Variants in PDE4A observed in about 807,000 individuals in gnomAD.
PDE4A encodes 3',5'-cyclic-AMP phosphodiesterase 4A.
PDE4A carries 21 observed loss-of-function variants against 73.9 expected under a neutral mutation model. That is an observed-to-expected ratio of 0.28 (90% CI 0.20 to 0.41). The LOEUF is 0.41. PDE4A is among the 10% of genes least tolerant of loss of function. The pLI is 1.00. For synonymous variants in PDE4A, 463 were observed against 505.4 expected (o/e 0.92, Z 1.13); for missense variants, 958 against 1,211.4 (o/e 0.79, Z 3.10).
rs746859715 is a variant in PDE4A, at chr19:10,467,647, C to T, written c.*26C>T. ...TCCCCAGACCTCTGTCCCTGTTCCCCTCCACTCCTCCCCTCACTCCCCTGC... is the reference window on the plus strand; with the variant it reads ...TCCCCAGACCTCTGTCCCTGTTCCCTTCCACTCCTCCCCTCACTCCCCTGC... On this transcript the variant is annotated 3_prime_UTR_variant, in exon 15 of 15. Coordinates refer to ENST00000380702, the MANE Select transcript of PDE4A (RefSeq NM_001111307.2). 1 of 1,499,808 alleles carries T rather than the reference C, an allele frequency of 6.7e-7. No individual in the cohort carries two copies. Among genetic ancestry groups the T allele is most frequent in the Non-Finnish European group, 9.0e-7 (1 of 1,115,674 alleles). The allele number at this position is 1,499,808 out of a possible 1,614,324, so 92.9% of individuals were successfully genotyped here.
intron 10 of PDE4A, among the ~76,000 whole-genome samples, chr19:10,460,112 C>T (rs943585207): frequency 2.6e-5 from 4 of 151,952 alleles, no homozygotes; most frequent in Non-Finnish European, 5.9e-5. Flanking sequence ...CTCAAACTCC[C>T]AACCTCGTGA....
intron 11 of PDE4A, 120 bp from the exon 12 acceptor site, chr19:10,461,406 T>C: frequency 6.7e-7 from 1 of 1,500,412 alleles, no homozygotes; most frequent in East Asian, 2.3e-5. Context: ...TAGAGCTGAC[T>C]GGGCTGGAGG....
chr19:10,448,801 G>A, intron 2 of PDE4A, 116 bp from the exon 3 acceptor site: 1 of 1,545,148 alleles, frequency 6.5e-7, no homozygotes, highest in Non-Finnish European at 8.7e-7. Context: ...CTTTCCCTAG[G>A]TCCCACAGAG....
In PDE4A at chr19:10,461,633, C is replaced by T; in HGVS notation, c.1573C>T (p.Leu525Phe). ...QEDNCDIFQN[L>F]SKRQRQSLRK... is the part of the protein sequence containing the mutation. ...GGACAACTGCGACATCTTCCAGAACCTCAGCAAGCGCCAGCGGCAGAGCCT... is the reference window on the plus strand; with the variant it reads ...GGACAACTGCGACATCTTCCAGAACTTCAGCAAGCGCCAGCGGCAGAGCCT... The change falls in exon 12 of 15, where the codon CTC becomes TTC. Residue 525 changes from leucine (L) to phenylalanine (F), a missense_variant. By Grantham distance (22) the Leu-to-Phe change is conservative (BLOSUM62 0). This residue lies in a region of PDE4A where 570 missense variants were observed against 827.7 expected (regional missense o/e 0.69). Coordinates refer to ENST00000380702, the MANE Select transcript of PDE4A (RefSeq NM_001111307.2). 2 of 1,613,022 alleles carry T rather than the reference C, an allele frequency of 1.2e-6. No individual in the cohort carries two copies. Among genetic ancestry groups the T allele is most frequent in the Non-Finnish European group, 1.7e-6 (2 of 1,179,648 alleles).
At position 10,449,030 on chromosome 19, in the gene PDE4A, C is replaced by T. The variant is rs199612442; in HGVS notation, c.550-50C>T. The T allele has an allele frequency of 1.2e-5, 20 of 1,611,298 alleles. No individual in the cohort carries two copies. In the East Asian group the frequency reaches 2.2e-4, roughly 18 times the overall value. ...CACACTTGGGGACAGGGCCCAGCCCCGCTGCCTCTCTAGGGGAACCCCACT... is the reference window on the plus strand; with the variant it reads ...CACACTTGGGGACAGGGCCCAGCCCTGCTGCCTCTCTAGGGGAACCCCACT... On this transcript the variant is annotated intron_variant, in intron 3 of 14. Transcript: ENST00000380702.
rs2043436848 is a variant in PDE4A at position 10,469,289 on chromosome 19, G to T, written c.*1668G>T. 6.6e-6 allele frequency: 1 copy of T among 152,360 alleles called. No individual in the cohort carries two copies. The highest frequency in any genetic ancestry group is 2.4e-5 in the African/African-American group (1 of 41,452). 9.4% of individuals were successfully genotyped at this position (152,360 alleles called of 1,614,324 possible). ...CTTCCCTGGCTGACCCAGTCGGGAA[G>T]GTAGGGAAGGAGGTCTCCCGTTGGG... On this transcript the variant is annotated 3_prime_UTR_variant, in exon 15 of 15. Transcript: ENST00000380702.
chr19:10,417,818 G>A, upstream of PDE4A: 2 of 1,557,884 alleles, frequency 1.3e-6, no homozygotes, highest in Non-Finnish European at 1.7e-6. Context: ...CCACCCTGCC[G>A]CTGCTGATCC....
chr19:10,420,961 A>G lies in PDE4A; in HGVS notation c.197A>G (p.Glu66Gly). ...ERERQPHRPI[E>G]RADAMDTSDR... ...GAGCGGCAGCCGCACCGGCCCATAG[A>G]GCGCGCCGATGCCATGGACACCAGC... The change falls in exon 1 of 15, where the codon GAG (glutamate) becomes GGG (glycine). Residue 66 changes from glutamate to glycine, a missense_variant. Physicochemically the swap from Glu to Gly is moderately conservative, Grantham distance 98. Transcript: ENST00000380702. This position sits in a 1 kb window ranked among gnomAD's most constrained non-coding sequence, Gnocchi z 6.0. 1.3e-6 allele frequency: 2 copies of G among 1,556,942 alleles called. No homozygotes were observed. Among genetic ancestry groups the G allele is most frequent in the Non-Finnish European group, 1.7e-6 (2 of 1,160,544 alleles).
Position 10,461,964 on chromosome 19 carries a change from G to A in PDE4A, c.1708G>A (p.Val570Ile). 1 of 1,613,998 alleles carries A rather than the reference G, an allele frequency of 6.2e-7. No homozygotes were observed. Among genetic ancestry groups the A allele is most frequent in the East Asian group, 2.2e-5 (1 of 44,882 alleles). ...GACCAAGAAAGTGACCAGCTCAGGG[G>A]TCCTCCTGCTAGATAACTACTCCGA... ...VETKKVTSSG[V>I]LLLDNYSDRI... Residue 570 changes from valine (V) to isoleucine (I), a missense_variant, in exon 13 of 15, where the codon GTC (valine) becomes ATC (isoleucine). Physicochemically the swap from Val to Ile is conservative, Grantham distance 29. Coordinates refer to ENST00000380702, the MANE Select transcript of PDE4A (RefSeq NM_001111307.2).
At position 10,424,858 on chromosome 19, in the gene PDE4A, G is replaced by A. The variant is rs1159700752; in HGVS notation, c.320+3774G>A. 6.6e-6 allele frequency among the ~76,000 whole-genome samples: 1 copy of A among 152,234 alleles called. No homozygotes were observed. Among genetic ancestry groups the A allele is most frequent in the African/African-American group, 2.4e-5 (1 of 41,464 alleles). On this transcript the variant is annotated intron_variant, in intron 1 of 14. Transcript: ENST00000380702. This position sits in a 1 kb window ranked among gnomAD's most constrained non-coding sequence, Gnocchi z 4.8. ...TGAACCCCAGCATCCTTGGCTCTGC[G>A]CTTCCTGCCCGGGAAACAGAGACCA...
upstream of PDE4A, among the ~76,000 whole-genome samples, chr19:10,418,127 G>A (rs1459055122): frequency 6.6e-6 from 1 of 152,224 alleles, no homozygotes; most frequent in Non-Finnish European, 1.5e-5. Context: ...CAGCCCCCAA[G>A]ATGCTCCCAT....
rs1181188651 is a variant in PDE4A at position 10,453,007 on chromosome 19, GA to G, written c.784-1821del. ...GCCCTGCCCCCCTCCCATGGGCACG[GA>G]CCCCCCACCGCCTCCACCCACTGCC... is the stretch of plus-strand genomic sequence containing the variant. On this transcript the variant is annotated intron_variant, in intron 6 of 14. Transcript: ENST00000380702. The surrounding 1 kb of genome is among the most constrained non-coding windows in gnomAD (Gnocchi z 4.6). 112 of 1,304,178 alleles carry G rather than the reference GA, an allele frequency of 8.6e-5. No individual in the cohort carries two copies. In the East Asian group the frequency reaches 3.6e-3, roughly 42 times the overall value. 80.8% of individuals were successfully genotyped at this position (1,304,178 alleles called of 1,614,324 possible).
At chr19:10,441,691 T>A (rs372567595) in intron 1 of PDE4A, among the ~76,000 whole-genome samples, 13,437 of 143,106 alleles carry the variant, frequency 0.094, 773 homozygotes, top group South Asian at 0.15. Flanking sequence ...GTTATTTTTT[T>A]TTTTTTTTTT....
intron 1 of PDE4A, among the ~76,000 whole-genome samples, chr19:10,439,397 G>C (rs538241733): frequency 6.6e-6 from 1 of 152,252 alleles, no homozygotes; most frequent in African/African-American, 2.4e-5. Context: ...GGCCAGGCTG[G>C]TCTCGAACTC....
At chr19:10,461,143 A>C (rs1186919274) in intron 11 of PDE4A, 40 bp downstream of exon 11, 13 of 1,589,976 alleles carry the variant, frequency 8.2e-6, no homozygotes, top group Non-Finnish European at 1.0e-5. Flanking sequence ...GCTGAGTTGG[A>C]GGCGGTGTTG....
In PDE4A at chr19:10,466,617, C is replaced by T. The variant is rs560733427; in HGVS notation, c.1927-270C>T. 4.6e-5 allele frequency among the ~76,000 whole-genome samples: 7 copies of T among 151,976 alleles called. No homozygotes were observed. The South Asian group carries it at 1.5e-3, about 32-fold the overall frequency. On this transcript the variant is annotated intron_variant, in intron 14 of 14. Coordinates refer to ENST00000380702, the MANE Select transcript of PDE4A (RefSeq NM_001111307.2). The stretch of plus-strand genomic sequence containing the variant: ...GGTTCAAGCGATTCTGTCTCAGCCT[C>T]CCAAGTAGCTGAACTACAGGCATGC...
intron 1 of PDE4A, chr19:10,432,577 T>A: frequency 6.6e-7 from 1 of 1,517,386 alleles, no homozygotes; most frequent in Non-Finnish European, 8.8e-7. Flanking sequence ...GTCAGGTGGG[T>A]GGCCCGTGGC....
chr19:10,456,406 A>C (rs2043170677), intron 7 of PDE4A, among the ~76,000 whole-genome samples: 1 of 152,012 alleles, frequency 6.6e-6, no homozygotes, highest in Non-Finnish European at 1.5e-5. Flanking sequence ...CACACCTGTA[A>C]TCTCAGCTAC....
At chr19:10,418,702 CCTT>C (rs1274227658), upstream of PDE4A, 18 of 962,600 alleles carry the variant, frequency 1.9e-5, no homozygotes, top group Non-Finnish European at 2.1e-5. Context: ...CTCGTTTCCT[CCTT>C]CTTCTGCAAC....
Sources: allele counts gnomAD v4.1 joint callset (sites outside exome capture counted in the v4.1 genomes callset), GRCh38; gene constraint gnomAD v4.1.1; regional missense constraint gnomAD v4.1.1; non-coding constraint Gnocchi (gnomAD v3.1); transcripts MANE v1.5; gene names NCBI Gene and HGNC (gene_info 2026-07-23, HGNC 2026-07-21).